The following ABCB4 variants were observed in gnomAD, a reference collection of about 807,000 sequenced individuals.
ABCB4 encodes ATP binding cassette subfamily B member 4, also known as phosphatidylcholine translocator ABCB4.
A neutral mutation model predicts 145.7 loss-of-function variants in ABCB4; 76 were observed. The observed-to-expected ratio is 0.52, with a 90% CI of 0.43 to 0.63. The LOEUF (loss-of-function observed/expected upper bound fraction) is 0.63. Ranked by LOEUF, ABCB4 falls within the 30% of genes least tolerant of loss-of-function variation. The pLI, the probability that ABCB4 is intolerant of heterozygous loss-of-function variation, is 0.00. For missense variants in ABCB4, 1,234 were observed against 1,553.1 expected (o/e 0.79, Z 3.45); for synonymous variants, 517 against 566.8 (o/e 0.91, Z 1.25).
the ABCB4 span, chr7:87,392,470 A>G: frequency 2.2e-6 from 2 of 911,424 alleles, no homozygotes; most frequent in African/African-American, 3.3e-5. Context: ...TTCCTCTCCC[A>G]AATTACCCCA....
the ABCB4 span, among the ~76,000 whole-genome samples, chr7:87,381,074 A>G: frequency 6.6e-6 from 1 of 152,160 alleles, no homozygotes; most frequent in Admixed American, 6.5e-5. Flanking sequence ...TGTTAGGGTG[A>G]CATTTAAGAC....
At chr7:87,381,882 T>G in the ABCB4 span, 2 of 1,484,466 alleles carry the variant, frequency 1.3e-6, no homozygotes, top group Non-Finnish European at 1.9e-6. Context: ...CATAAAGTAT[T>G]CAGAAATCTT....
chr7:87,374,228 A>G, the ABCB4 span, among the ~76,000 whole-genome samples: 2 of 152,118 alleles, frequency 1.3e-5, no homozygotes, highest in African/African-American at 4.8e-5. Flanking sequence ...TTAAAGGAAA[A>G]GAGGGATTAT....
chr7:87,372,059 A>G, the ABCB4 span, among the ~76,000 whole-genome samples: 1 of 151,854 alleles, frequency 6.6e-6, no homozygotes, highest in Non-Finnish European at 1.5e-5. Flanking sequence ...CAGGTGAAAA[A>G]TGGTTTTCAT....
intron 2 of ABCB4, 93 bp from the exon 3 acceptor site, chr7:87,472,768 T>C: frequency 2.2e-6 from 2 of 927,696 alleles, no homozygotes; most frequent in Non-Finnish European, 3.4e-6. Flanking sequence ...TATTCAACTA[T>C]TATATTTTCA....
chr7:87,449,026 T>C (rs1811530296), intron 8 of ABCB4, among the ~76,000 whole-genome samples: 1 of 152,246 alleles, frequency 6.6e-6, no homozygotes, highest in African/African-American at 2.4e-5. Context: ...GCCTTTTTCA[T>C]AGGTGTATTC....
the ABCB4 span, among the ~76,000 whole-genome samples, chr7:87,368,150 T>C: frequency 6.6e-6 from 1 of 152,202 alleles, no homozygotes; most frequent in Non-Finnish European, 1.5e-5. Flanking sequence ...TTCTAATGCC[T>C]TTGTGCTTGC....
intron 3 of ABCB4, among the ~76,000 whole-genome samples, chr7:87,471,044 A>T (rs1233773234): frequency 6.6e-6 from 1 of 152,198 alleles, no homozygotes; most frequent in Non-Finnish European, 1.5e-5. Context: ...AGCCATAAAA[A>T]ATGATGAGTT....
the ABCB4 span, among the ~76,000 whole-genome samples, chr7:87,371,778 G>A: frequency 6.6e-6 from 1 of 151,984 alleles, no homozygotes; most frequent in Non-Finnish European, 1.5e-5. Context: ...ATCACTTAAG[G>A]CCAAGAGTTG....
At chr7:87,372,348 C>A in the ABCB4 span, among the ~76,000 whole-genome samples, 1 of 152,100 alleles carries the variant, frequency 6.6e-6, no homozygotes, top group Non-Finnish European at 1.5e-5. Context: ...TCTTTTTAAT[C>A]ATTTGCTTTT....
rs374351910 is a variant in ABCB4, at chr7:87,450,109, C to G, written c.709-17G>C. On this transcript the variant is annotated splice_polypyrimidine_tract_variant and intron_variant, in intron 7 of 27. Transcript: ENST00000649586. ...CGAGAGTATCTGGACAGAAAAGAAA[C>G]AGTGATCACTTTTGTATAGGGAGAA... 1.2e-5 allele frequency: 19 copies of G among 1,613,606 alleles called. No homozygotes were observed. The highest frequency in any genetic ancestry group is 5.3e-5 in the African/African-American group (4 of 74,910).
chr7:87,444,754 C>T, intron 10 of ABCB4, 108 bp downstream of exon 10: 1 of 754,790 alleles, frequency 1.3e-6, no homozygotes, highest in Non-Finnish European at 2.2e-6. Context: ...TCACTTTAGT[C>T]AGTACAACTT....
intron 27 of ABCB4, among the ~76,000 whole-genome samples, chr7:87,402,570 C>T (rs941637080): frequency 6.6e-6 from 1 of 152,148 alleles, no homozygotes; most frequent in Non-Finnish European, 1.5e-5. Context: ...AACTAGTTCC[C>T]TTTTGAGTAT....
At chr7:87,366,377 G>T in the ABCB4 span, among the ~76,000 whole-genome samples, 4 of 151,772 alleles carry the variant, frequency 2.6e-5, no homozygotes, top group Non-Finnish European at 4.4e-5. Flanking sequence ...ATGCCTTCAG[G>T]TTATATCACC....
intron 12 of ABCB4, among the ~76,000 whole-genome samples, chr7:87,442,884 C>T (rs951091897): frequency 1.3e-5 from 2 of 152,274 alleles, no homozygotes; most frequent in Admixed American, 1.3e-4. Context: ...CACTTTCCCC[C>T]TTAGATATTC....
At chr7:87,368,450 G>GT in the ABCB4 span, among the ~76,000 whole-genome samples, 1 of 152,142 alleles carries the variant, frequency 6.6e-6, no homozygotes, top group Non-Finnish European at 1.5e-5. Context: ...AGAAGAAATG[G>GT]TTTGGAGGTA....
At chr7:87,474,393 A>G (rs1297211220) in intron 2 of ABCB4, among the ~76,000 whole-genome samples, 3 of 152,242 alleles carry the variant, frequency 2.0e-5, no homozygotes, top group Non-Finnish European at 4.4e-5. Flanking sequence ...ATGAAAAAAT[A>G]CAATGGTGCT....
At chr7:87,431,310 T>G in intron 15 of ABCB4, 94 bp downstream of exon 15, 1 of 1,510,258 alleles carries the variant, frequency 6.6e-7, no homozygotes, top group South Asian at 1.1e-5. Flanking sequence ...AGTTTCTTCT[T>G]GCTCAGTATA....
chr7:87,419,653 C>G (rs547251571), intron 19 of ABCB4, among the ~76,000 whole-genome samples: 15 of 152,144 alleles, frequency 9.9e-5, no homozygotes, highest in African/African-American at 3.1e-4. Context: ...TAAAGACATC[C>G]TGGAGTCTCA....
Sources: allele counts gnomAD v4.1 joint callset (sites outside exome capture counted in the v4.1 genomes callset), GRCh38; gene constraint gnomAD v4.1.1; transcripts MANE v1.5; gene names NCBI Gene and HGNC (gene_info 2026-07-23, HGNC 2026-07-21).